TMCO4: variants seen among roughly 807,000 people sequenced by gnomAD.
TMCO4 encodes the protein transmembrane and coiled-coil domain-containing protein 4.
A neutral mutation model predicts 64.7 loss-of-function variants in TMCO4; 58 were observed. The observed-to-expected ratio is 0.90, with a 90% CI of 0.73 to 1.12. The LOEUF (loss-of-function observed/expected upper bound fraction) is 1.12. TMCO4 is among the 50% of genes most tolerant of loss of function. The probability of loss-of-function intolerance (pLI) is 0.00; values close to 1 mark genes in which losing one functional copy is unlikely to be tolerated. For synonymous variants in TMCO4, 325 were observed against 346.1 expected (o/e 0.94, Z 0.68); for missense variants, 780 against 825.9 (o/e 0.94, Z 0.68).
At chr1:19,719,220 C>A (rs573399155) in intron 13 of TMCO4, among the ~76,000 whole-genome samples, 1 of 152,136 alleles carries the variant, frequency 6.6e-6, no homozygotes, top group African/African-American at 2.4e-5. Context: ...CAGAGACATC[C>A]GAGGCTCTGT....
chr1:19,734,630 G>A lies in TMCO4; in HGVS notation c.1264+2742C>T, dbSNP rs777573163. Among the ~76,000 whole-genome samples, 3 of 152,022 alleles carry A rather than the reference G, an allele frequency of 2.0e-5. No homozygotes were observed. Among genetic ancestry groups the A allele is most frequent in the Non-Finnish European group, 4.4e-5 (3 of 67,986 alleles). On this transcript the variant is annotated intron_variant, in intron 13 of 15. Transcript: ENST00000294543. This position sits in a 1 kb window ranked among gnomAD's most constrained non-coding sequence, Gnocchi z 4.4. ...GGGGGCCTCTTACGTGGGCTGCAGAGACACCAGATGCCACCGTTTCTAGAC... is the reference window on the plus strand; with the variant it reads ...GGGGGCCTCTTACGTGGGCTGCAGAAACACCAGATGCCACCGTTTCTAGAC...
chr1:19,721,820 A>AACACAC (rs1017506696), intron 13 of TMCO4, among the ~76,000 whole-genome samples: 1 of 151,158 alleles, frequency 6.6e-6, no homozygotes, highest in East Asian at 1.9e-4. Context: ...AACAAAACAC[A>AACACAC]ACACACACAC....
At chr1:19,716,953 G>A (rs912351448) in intron 13 of TMCO4, among the ~76,000 whole-genome samples, 8 of 152,168 alleles carry the variant, frequency 5.3e-5, no homozygotes, top group African/African-American at 1.4e-4. Context: ...ACTGGAGGCC[G>A]AGGTGGGTGG....
rs116811396 is a variant in TMCO4, at chr1:19,766,822, A to G, written c.382+3720T>C. Among the ~76,000 whole-genome samples the G allele has an allele frequency of 4.6e-3, 706 of 152,298 alleles. 5 individuals are homozygous for G. Among genetic ancestry groups the G allele is most frequent in the Non-Finnish European group, 7.0e-3 (474 of 68,014 alleles). Reference sequence around the variant, plus strand: ...TCGTTAGAACAGATAAAGAGGTTGGACATGACAACCGTCAGCAAACCACTT... The same window carrying G: ...TCGTTAGAACAGATAAAGAGGTTGGGCATGACAACCGTCAGCAAACCACTT... On this transcript the variant is annotated intron_variant, in intron 6 of 15. Coordinates refer to ENST00000294543, the MANE Select transcript of TMCO4 (RefSeq NM_181719.7).
Position 19,738,741 on chromosome 1 carries a change from A to T in TMCO4, c.1179+1083T>A, listed in dbSNP as rs146227607. 4.5e-3 allele frequency among the ~76,000 whole-genome samples: 683 copies of T among 152,370 alleles called. 3 individuals are homozygous for T. The highest frequency in any genetic ancestry group is 0.015 in the African/African-American group (644 of 41,596). On this transcript the variant is annotated intron_variant, in intron 12 of 15. Transcript: ENST00000294543. ...TGCTCAAGCAGTTTAGCTGCATGGC[A>T]GAAACTGCTAGTTGTCATCCCTCAA...
At chr1:19,705,422 G>A (rs143994744) in intron 13 of TMCO4, among the ~76,000 whole-genome samples, 2,794 of 152,012 alleles carry the variant, frequency 0.018, 64 homozygotes, top group Non-Finnish European at 0.023. Flanking sequence ...CTGCACTCCA[G>A]CCTGGGCGAC....
chr1:19,737,276 C>A, intron 13 of TMCO4, 96 bp downstream of exon 13: 1 of 1,205,454 alleles, frequency 8.3e-7, no homozygotes, highest in South Asian at 1.5e-5. Flanking sequence ...GAACTGGGAA[C>A]ACATTTTGCA....
intron 15 of TMCO4, among the ~76,000 whole-genome samples, chr1:19,689,813 A>C (rs2095177784): frequency 6.6e-6 from 1 of 152,248 alleles, no homozygotes. Context: ...GGCACCTTGA[A>C]TAGGACAGAG....
At position 19,780,765 on chromosome 1, in the gene TMCO4, C is replaced by T. The variant is rs766861994; in HGVS notation, c.-7G>A. 1.5e-5 allele frequency: 24 copies of T among 1,558,762 alleles called. No individual in the cohort carries two copies. The highest frequency in any genetic ancestry group is 4.3e-5 in the Admixed American group (2 of 46,634). On this transcript the variant is annotated splice_region_variant and 5_prime_UTR_variant, in exon 4 of 16. Coordinates refer to ENST00000294543, the MANE Select transcript of TMCO4 (RefSeq NM_181719.7). ...GCCTGTTCCACATGGCCATTCCCAGCGCTGCAGGAGAAAATTCCCAGTGAG... is the reference window on the plus strand; with the variant it reads ...GCCTGTTCCACATGGCCATTCCCAGTGCTGCAGGAGAAAATTCCCAGTGAG...
chr1:19,788,054 G>A (rs1436994539), intron 2 of TMCO4, among the ~76,000 whole-genome samples: 1 of 152,124 alleles, frequency 6.6e-6, no homozygotes, highest in Non-Finnish European at 1.5e-5. Context: ...ACTGCACCCA[G>A]CCCTTAGTGC....
rs553142421 is a variant in TMCO4, at chr1:19,780,634, T to C, written c.125A>G (p.Tyr42Cys). 477 of 1,613,962 alleles carry C rather than the reference T, an allele frequency of 3.0e-4. 6 individuals carry two copies. In the South Asian group the frequency reaches 4.1e-3, roughly 14 times the overall value. The change falls in exon 4 of 16, where the codon TAT becomes TGT. Residue 42 changes from tyrosine (Y) to cysteine (C), a missense_variant. Physicochemically the swap from Tyr to Cys is radical, Grantham distance 194. Transcript: ENST00000294543. ...CAGGGAGATGCCACAGAGGGCAGCA[T>C]AGGCGAAGCGGTTGGCCTCAGTCAG... Reference protein sequence around the residue: ...RELTEANRFAYAALCGISLSQ... With the variant: ...RELTEANRFACAALCGISLSQ...
intron 4 of TMCO4, among the ~76,000 whole-genome samples, chr1:19,777,302 A>G (rs1031934205): frequency 1.3e-5 from 2 of 150,648 alleles, no homozygotes; most frequent in African/African-American, 4.9e-5. Context: ...TTTTGTGATC[A>G]GGAGGGGAAG....
At chr1:19,696,276 G>A (rs576492876) in intron 14 of TMCO4, among the ~76,000 whole-genome samples, 16 of 152,304 alleles carry the variant, frequency 1.1e-4, no homozygotes, top group African/African-American at 2.4e-4. Context: ...GTTGCAGGGC[G>A]CGGTGGCTCA....
intron 13 of TMCO4, among the ~76,000 whole-genome samples, chr1:19,735,364 C>T (rs1407146252): frequency 2.6e-5 from 4 of 152,162 alleles, no homozygotes; most frequent in Non-Finnish European, 4.4e-5. Flanking sequence ...GGTCCGACAG[C>T]CAGTCAGTGG....
At chr1:19,727,339 C>T (rs1164150401) in intron 13 of TMCO4, among the ~76,000 whole-genome samples, 1 of 152,200 alleles carries the variant, frequency 6.6e-6, no homozygotes, top group Non-Finnish European at 1.5e-5. Context: ...TACCAAGCAC[C>T]TACTATGTGC....
intron 4 of TMCO4, among the ~76,000 whole-genome samples, chr1:19,773,602 G>T (rs1368069255): frequency 6.6e-6 from 1 of 152,134 alleles, no homozygotes; most frequent in Non-Finnish European, 1.5e-5. Flanking sequence ...AGCAGCTGGG[G>T]GTGAAAGGCC....
In TMCO4 at chr1:19,771,819, G is replaced by A. The variant is rs541461506; in HGVS notation, c.180-337C>T. 4.6e-5 allele frequency among the ~76,000 whole-genome samples: 7 copies of A among 152,150 alleles called. No individual in the cohort carries two copies. The South Asian group carries it at 1.2e-3, about 27-fold the overall frequency. On this transcript the variant is annotated intron_variant, in intron 4 of 15. Transcript: ENST00000294543. ...CTATAGGTGCCCGCCACCACGCTTG[G>A]CTATTTTTTTGTATTTTTAGTAGAG...
intron 13 of TMCO4, among the ~76,000 whole-genome samples, chr1:19,710,333 G>A (rs986472455): frequency 2.0e-5 from 3 of 148,966 alleles, no homozygotes; most frequent in East Asian, 4.0e-4. Context: ...GGTGGGTATC[G>A]AACTCCTGAG....
At chr1:19,798,067 G>C (rs1184320027) in intron 2 of TMCO4, 70 bp downstream of exon 2, 2 of 166,738 alleles carry the variant, frequency 1.2e-5, no homozygotes, top group African/African-American at 4.8e-5. Flanking sequence ...GCAGAGGGTG[G>C]TACCATGATA....
Sources: gnomAD v4.1 joint callset for allele counts (sites outside exome capture counted in the v4.1 genomes callset) on GRCh38, gnomAD v4.1.1 for gene constraint, Gnocchi (gnomAD v3.1) non-coding constraint, MANE v1.5 for transcripts, NCBI Gene and HGNC (gene_info 2026-07-23, HGNC 2026-07-21) for gene names.